The following TMEM132D variants were observed in gnomAD, a reference collection of about 807,000 sequenced individuals.
TMEM132D encodes mature OL transmembrane protein.
TMEM132D carries 21 observed loss-of-function variants against 62.3 expected under a neutral mutation model. That is an observed-to-expected ratio of 0.34 (90% CI 0.24 to 0.49). The LOEUF is 0.49. TMEM132D is among the 20% of genes least tolerant of loss of function. The pLI is 0.99. For synonymous variants in TMEM132D, 621 were observed against 575.6 expected (o/e 1.08, Z -1.13); for missense variants, 1,346 against 1,402.8 (o/e 0.96, Z 0.65).
At chr12:129,766,857 C>G (rs951371136) in intron 1 of TMEM132D, among the ~76,000 whole-genome samples, 1 of 152,128 alleles carries the variant, frequency 6.6e-6, no homozygotes, top group African/African-American at 2.4e-5. Flanking sequence ...AAGCCCAGCT[C>G]CATAAGAGAC....
At chr12:129,830,867 C>T (rs1280644305) in intron 1 of TMEM132D, among the ~76,000 whole-genome samples, 1 of 152,118 alleles carries the variant, frequency 6.6e-6, no homozygotes, top group Non-Finnish European at 1.5e-5. Flanking sequence ...GAAAAGTCAA[C>T]GTAGTTGGGT....
chr12:129,077,917 ACACACAACACACATATACATATG>A (rs1270263386), intron 8 of TMEM132D, among the ~76,000 whole-genome samples: 13 of 152,216 alleles, frequency 8.5e-5, no homozygotes, highest in Admixed American at 2.0e-4. Context: ...CAACACATAG[ACACACAACACACATATACATATG>A]CACACAACAC....
At chr12:129,562,793 T>C (rs1411190684) in intron 2 of TMEM132D, among the ~76,000 whole-genome samples, 1 of 152,098 alleles carries the variant, frequency 6.6e-6, no homozygotes, top group African/African-American at 2.4e-5. Context: ...GTGTAGAATA[T>C]CCTCCCAACC....
At chr12:129,661,843 A>T (rs918607898) in intron 2 of TMEM132D, among the ~76,000 whole-genome samples, 1 of 152,216 alleles carries the variant, frequency 6.6e-6, no homozygotes, top group African/African-American at 2.4e-5. Context: ...TGTGTCTGCA[A>T]GTCAGTACTG....
chr12:129,347,797 T>C (rs1250429865), intron 3 of TMEM132D, among the ~76,000 whole-genome samples: 2 of 152,198 alleles, frequency 1.3e-5, no homozygotes, highest in African/African-American at 4.8e-5. Context: ...GAGAACATTT[T>C]TGCAATCTAT....
chr12:129,155,488 C>T (rs1190183617), intron 5 of TMEM132D, among the ~76,000 whole-genome samples: 2 of 152,200 alleles, frequency 1.3e-5, no homozygotes, highest in Non-Finnish European at 2.9e-5. Context: ...ATCATTCTTC[C>T]TACTCATTCT....
intron 2 of TMEM132D, among the ~76,000 whole-genome samples, chr12:129,649,906 CTA>C (rs1213382636): frequency 1.3e-5 from 2 of 149,542 alleles, no homozygotes; most frequent in Admixed American, 6.7e-5. Flanking sequence ...GTGTGTGTGT[CTA>C]TGTGTACGTG....
At chr12:129,534,681 C>T (rs1041011207) in intron 2 of TMEM132D, among the ~76,000 whole-genome samples, 1 of 152,104 alleles carries the variant, frequency 6.6e-6, no homozygotes, top group African/African-American at 2.4e-5. Context: ...AGAGTTTCTC[C>T]CTCCAACCCT....
In TMEM132D at chr12:129,073,799, CG is replaced by C; in HGVS notation, c.*75del. Reference sequence around the variant, plus strand: ...TTGTCCTGCTGCTTTGTTTCTCTTCCGGGGGCACCGTTGCTACACATCCTGG... The same window carrying C: ...TTGTCCTGCTGCTTTGTTTCTCTTCCGGGGCACCGTTGCTACACATCCTGG... On this transcript the variant is annotated 3_prime_UTR_variant, in exon 9 of 9. Coordinates refer to ENST00000422113, the MANE Select transcript of TMEM132D (RefSeq NM_133448.3). The C allele has an allele frequency of 1.5e-6, 2 of 1,303,182 alleles. No individual in the cohort carries two copies. The highest frequency in any genetic ancestry group is 2.1e-6 in the Non-Finnish European group (2 of 942,860). The allele number at this position is 1,303,182 out of a possible 1,614,324, so 80.7% of individuals were successfully genotyped here. A position where few individuals can be genotyped will look rare whatever the true frequency, so the allele number is the denominator to read the frequency against.
At chr12:129,188,240 G>A (rs1552422) in intron 5 of TMEM132D, among the ~76,000 whole-genome samples, 74,100 of 151,960 alleles carry the variant, frequency 0.49, 18,209 homozygotes, top group Middle Eastern at 0.53. Context: ...CCAAGACTCT[G>A]CTGTTGCCTT....
chr12:129,210,510 G>A (rs1000200421), intron 4 of TMEM132D, among the ~76,000 whole-genome samples: 1 of 152,180 alleles, frequency 6.6e-6, no homozygotes, highest in Admixed American at 6.5e-5. Flanking sequence ...TCATCGAGCA[G>A]CTCAAGACAG....
chr12:129,328,624 CA>C (rs1868998611), intron 4 of TMEM132D, among the ~76,000 whole-genome samples: 1 of 152,212 alleles, frequency 6.6e-6, no homozygotes, highest in Admixed American at 6.5e-5. Context: ...TGGCTTTGTG[CA>C]TAATAAATAA....
At chr12:129,818,870 A>T (rs61942091) in intron 1 of TMEM132D, among the ~76,000 whole-genome samples, 80,608 of 151,442 alleles carry the variant, frequency 0.53, 22,425 homozygotes, top group Non-Finnish European at 0.63. Context: ...CCCTGTCTCT[A>T]CAAAACATAC....
intron 1 of TMEM132D, among the ~76,000 whole-genome samples, chr12:129,711,793 T>C (rs1355137515): frequency 6.8e-6 from 1 of 147,884 alleles, no homozygotes; most frequent in Admixed American, 6.8e-5. Flanking sequence ...ATTCATATTA[T>C]AAATATATAT....
intron 3 of TMEM132D, among the ~76,000 whole-genome samples, chr12:129,519,177 A>G (rs530688805): frequency 1.3e-5 from 2 of 152,320 alleles, no homozygotes; most frequent in African/African-American, 4.8e-5. Context: ...GGCTCTATGA[A>G]CTTGGCTGGG....
chr12:129,630,953 G>A (rs1048183889), intron 2 of TMEM132D, among the ~76,000 whole-genome samples: 1 of 152,032 alleles, frequency 6.6e-6, no homozygotes, highest in Non-Finnish European at 1.5e-5. Context: ...GAGAACATAA[G>A]GTACTTGGCT....
At chr12:129,882,250 T>C (rs1293224801) in intron 1 of TMEM132D, among the ~76,000 whole-genome samples, 1 of 151,802 alleles carries the variant, frequency 6.6e-6, no homozygotes. Flanking sequence ...TAGAAGGAAA[T>C]ACTCCTCATC....
At chr12:129,163,849 T>G (rs190540633) in intron 5 of TMEM132D, among the ~76,000 whole-genome samples, 1 of 152,250 alleles carries the variant, frequency 6.6e-6, no homozygotes, top group Non-Finnish European at 1.5e-5. Context: ...TACTTTATTC[T>G]AATCCAGGCT....
At chr12:129,701,883 C>A (rs1466218047) in intron 1 of TMEM132D, among the ~76,000 whole-genome samples, 1 of 152,200 alleles carries the variant, frequency 6.6e-6, no homozygotes. Context: ...GATGCCTTCC[C>A]GAGTCAGGAC....
Sources: gnomAD v4.1 joint callset for allele counts (sites outside exome capture counted in the v4.1 genomes callset) on GRCh38, gnomAD v4.1.1 for gene constraint, MANE v1.5 for transcripts, NCBI Gene and HGNC (gene_info 2026-07-23, HGNC 2026-07-21) for gene names.